Variants in LIMCH1 observed in about 807,000 individuals in gnomAD.
LIMCH1 encodes the protein LIM and calponin homology domains 1, also known as LIM and calponin homology domains-containing protein 1.
In LIMCH1, 113 loss-of-function variants were observed where a neutral mutation model predicts 176.5. That is an observed-to-expected ratio of 0.64 (90% CI 0.55 to 0.75). LIMCH1 has a LOEUF of 0.75. Among genes scored for constraint, LIMCH1 ranks in the 30% least tolerant of loss-of-function variants. The pLI, the probability that LIMCH1 is intolerant of heterozygous loss-of-function variation, is 0.00. For missense variants in LIMCH1, 1,674 were observed against 1,814.9 expected (o/e 0.92, Z 1.41); for synonymous variants, 619 against 645.9 (o/e 0.96, Z 0.63).
At chr4:41,670,660 C>G (rs1314205010) in intron 21 of LIMCH1, 4 of 1,285,574 alleles carry the variant, frequency 3.1e-6, no homozygotes, top group Non-Finnish European at 4.3e-6. Context: ...TGGTTCTATT[C>G]AGTTCTCACC....
At chr4:41,613,436 C>G (rs747939740) in intron 4 of LIMCH1, 30 bp from the exon 5 acceptor site, 2 of 1,595,508 alleles carry the variant, frequency 1.3e-6, no homozygotes, top group Non-Finnish European at 1.7e-6. Context: ...AGAATTATGT[C>G]TGTAACCCTT....
At chr4:41,619,517 G>A (rs1038792417) in intron 6 of LIMCH1, 77 bp downstream of exon 6, 4 of 1,558,306 alleles carry the variant, frequency 2.6e-6, no homozygotes, top group Admixed American at 3.5e-5. Flanking sequence ...GGACAGGAAC[G>A]AGGTTAAATG....
chr4:41,608,493 T>C (rs1235709813), intron 4 of LIMCH1, among the ~76,000 whole-genome samples: 1 of 152,232 alleles, frequency 6.6e-6, no homozygotes, highest in Admixed American at 6.5e-5. Context: ...TAGTTTTTTT[T>C]CTTTCACAAA....
chr4:41,671,884 C>CAAAAAA (rs34994833), intron 22 of LIMCH1, among the ~76,000 whole-genome samples: 1 of 52,342 alleles, frequency 1.9e-5, no homozygotes, highest in Non-Finnish European at 3.6e-5. Flanking sequence ...GACTTCGTCT[C>CAAAAAA]AAAAAAAAAA....
At chr4:41,539,165 A>G (rs1199847408) in intron 1 of LIMCH1, among the ~76,000 whole-genome samples, 2 of 152,122 alleles carry the variant, frequency 1.3e-5, no homozygotes, top group Non-Finnish European at 2.9e-5. Flanking sequence ...GGAGTCGGGA[A>G]ATCTATTTTT....
intron 13 of LIMCH1, among the ~76,000 whole-genome samples, chr4:41,636,340 C>CT (rs35828085): frequency 0.021 from 2,182 of 104,886 alleles, 54 homozygotes; most frequent in African/African-American, 0.04. Flanking sequence ...TGCTTTATTA[C>CT]TTTTTTTTTT....
At chr4:41,604,230 C>T in intron 3 of LIMCH1, 1 of 984,776 alleles carries the variant, frequency 1.0e-6, no homozygotes, top group Non-Finnish European at 1.2e-6. Context: ...TTTGTAGGCA[C>T]AGATGGGATT....
chr4:41,646,418 T>C, intron 16 of LIMCH1, 67 bp from the exon 17 acceptor site: 1 of 1,553,772 alleles, frequency 6.4e-7, no homozygotes, highest in South Asian at 1.2e-5. Context: ...CTACCTTCGT[T>C]TCTACCAAGG....
At chr4:41,568,448 G>A (rs2083067455) in intron 1 of LIMCH1, among the ~76,000 whole-genome samples, 1 of 152,234 alleles carries the variant, frequency 6.6e-6, no homozygotes, top group Non-Finnish European at 1.5e-5. Context: ...TCATGGGTTT[G>A]ATCCACATGC....
At chr4:41,576,748 T>C (rs1354666525) in intron 1 of LIMCH1, among the ~76,000 whole-genome samples, 1 of 152,194 alleles carries the variant, frequency 6.6e-6, no homozygotes, top group East Asian at 1.9e-4. Flanking sequence ...GTAGTCTTAC[T>C]ATGGAATGCC....
At chr4:41,371,497 A>G (rs1260489146) in intron 1 of LIMCH1, among the ~76,000 whole-genome samples, 1 of 152,166 alleles carries the variant, frequency 6.6e-6, no homozygotes, top group Non-Finnish European at 1.5e-5. Context: ...CTGGATTCAA[A>G]TAGTCCTTGA....
At chr4:41,566,158 T>G (rs939957920) in intron 1 of LIMCH1, among the ~76,000 whole-genome samples, 29 of 152,146 alleles carry the variant, frequency 1.9e-4, no homozygotes, top group African/African-American at 6.8e-4. Flanking sequence ...GGTGGTCATG[T>G]CACATTGAGC....
At chr4:41,446,211 A>G (rs932068855) in intron 1 of LIMCH1, among the ~76,000 whole-genome samples, 2 of 152,126 alleles carry the variant, frequency 1.3e-5, no homozygotes, top group East Asian at 3.9e-4. Context: ...TTTTTGAAGC[A>G]CAGATGGGGC....
At chr4:41,654,227 G>T (rs2094398805) in intron 18 of LIMCH1, among the ~76,000 whole-genome samples, 1 of 152,144 alleles carries the variant, frequency 6.6e-6, no homozygotes, top group South Asian at 2.1e-4. Flanking sequence ...TTCGAATTTT[G>T]AATTTTGATC....
intron 2 of LIMCH1, among the ~76,000 whole-genome samples, chr4:41,505,324 G>A (rs1366302429): frequency 1.3e-5 from 2 of 152,188 alleles, no homozygotes; most frequent in Non-Finnish European, 2.9e-5. Flanking sequence ...TTGCAACTCT[G>A]TGTCACTGTG....
At chr4:41,643,087 C>T (rs993187333) in intron 14 of LIMCH1, among the ~76,000 whole-genome samples, 24 of 152,148 alleles carry the variant, frequency 1.6e-4, no homozygotes, top group African/African-American at 5.8e-4. Context: ...CTTAAATTGT[C>T]CAACATCTGG....
At chr4:41,609,942 T>C (rs1171875747) in intron 4 of LIMCH1, among the ~76,000 whole-genome samples, 1 of 152,232 alleles carries the variant, frequency 6.6e-6, no homozygotes, top group Non-Finnish European at 1.5e-5. Context: ...GATATCCTCA[T>C]TTTTATTTCT....
chr4:41,684,312 C>T (rs1373171454), intron 26 of LIMCH1, 85 bp from the exon 27 acceptor site: 2 of 1,179,486 alleles, frequency 1.7e-6, no homozygotes, highest in Non-Finnish European at 2.4e-6. Context: ...GTAATTGGTA[C>T]TCCCATCCTT....
At chr4:41,634,656 A>G (rs1195482637) in intron 13 of LIMCH1, among the ~76,000 whole-genome samples, 4 of 152,252 alleles carry the variant, frequency 2.6e-5, no homozygotes, top group Non-Finnish European at 4.4e-5. Flanking sequence ...TTCAGGGAGC[A>G]GAAGTAATAT....
Sources: gnomAD v4.1 joint callset for allele counts (sites outside exome capture counted in the v4.1 genomes callset) on GRCh38, gnomAD v4.1.1 for gene constraint, MANE v1.5 for transcripts, NCBI Gene and HGNC (gene_info 2026-07-23, HGNC 2026-07-21) for gene names.